Variants in GALNTL6 observed in about 807,000 individuals in gnomAD.
The protein encoded by GALNTL6 is polypeptide N-acetylgalactosaminyltransferase-like 6.
Under a neutral mutation model 73.7 loss-of-function variants are expected in GALNTL6, and 46 were observed. That is an observed-to-expected ratio of 0.62 (90% CI 0.49 to 0.80). The LOEUF is 0.80. Among genes scored for constraint, GALNTL6 ranks in the 30% least tolerant of loss-of-function variants. The probability of loss-of-function intolerance (pLI) is 0.00; values close to 1 mark genes in which losing one functional copy is unlikely to be tolerated. For missense variants in GALNTL6, 604 were observed against 755.0 expected (o/e 0.80, Z 2.34); for synonymous variants, 259 against 263.7 (o/e 0.98, Z 0.17).
chr4:172,212,966 C>T (rs1057429088), intron 2 of GALNTL6, among the ~76,000 whole-genome samples: 6 of 152,132 alleles, frequency 3.9e-5, no homozygotes, highest in East Asian at 3.9e-4. Flanking sequence ...CCACCACGCC[C>T]GGCCAACCAC....
In GALNTL6 at chr4:172,813,696, AG is replaced by A; in HGVS notation, c.897del (p.Arg300GlyfsTer35). On this transcript the variant is annotated frameshift_variant, in exon 7 of 13. Coordinates refer to ENST00000506823, the MANE Select transcript of GALNTL6 (RefSeq NM_001034845.3). LOFTEE classifies it high-confidence loss of function. ...AGAATCCCCATCCCTCCAGAGCTCC[AG>A]AGGGCAGATCCCAGCGACCCTTTTG... is the stretch of plus-strand genomic sequence containing the variant. ...YKRIPIPPEL[Q>X]RADPSDPFES... 6.2e-7 allele frequency: 1 copy of A among 1,608,464 alleles called. No homozygotes were observed. Among genetic ancestry groups the A allele is most frequent in the Non-Finnish European group, 8.5e-7 (1 of 1,175,660 alleles).
intron 2 of GALNTL6, among the ~76,000 whole-genome samples, chr4:172,080,209 C>T (rs1453007497): frequency 1.3e-5 from 2 of 152,118 alleles, no homozygotes; most frequent in African/African-American, 4.8e-5. Context: ...GAGACAAGCT[C>T]TCGCTTTGTT....
chr4:172,915,293 C>G (rs1747442281), intron 8 of GALNTL6, among the ~76,000 whole-genome samples: 1 of 152,104 alleles, frequency 6.6e-6, no homozygotes, highest in Admixed American at 6.5e-5. Context: ...CAAGAGAAAG[C>G]AGGAAAGATG....
chr4:172,314,953 C>A (rs1266597128), intron 4 of GALNTL6, among the ~76,000 whole-genome samples: 1 of 152,010 alleles, frequency 6.6e-6, no homozygotes, highest in African/African-American at 2.4e-5. Context: ...CATTTCTTCA[C>A]TAGTATAAAA....
At chr4:172,413,466 T>A (rs979070693) in intron 5 of GALNTL6, among the ~76,000 whole-genome samples, 2 of 152,162 alleles carry the variant, frequency 1.3e-5, no homozygotes, top group Admixed American at 6.5e-5. Context: ...TAATAACAAA[T>A]ATTCCCCTGT....
At chr4:172,989,624 C>G (rs181567398) in intron 10 of GALNTL6, among the ~76,000 whole-genome samples, 23 of 152,220 alleles carry the variant, frequency 1.5e-4, no homozygotes, top group African/African-American at 5.5e-4. Context: ...ATCATGAGAT[C>G]TGGTTGCTTA....
intron 5 of GALNTL6, among the ~76,000 whole-genome samples, chr4:172,650,570 C>T (rs977761174): frequency 1.3e-5 from 2 of 151,958 alleles, no homozygotes; most frequent in Admixed American, 6.6e-5. Context: ...CCAAGTTAAT[C>T]GAATCAATAA....
intron 2 of GALNTL6, among the ~76,000 whole-genome samples, chr4:171,923,990 T>C (rs887032552): frequency 6.6e-6 from 1 of 152,034 alleles, no homozygotes; most frequent in Non-Finnish European, 1.5e-5. Context: ...TAACTAGGAT[T>C]TTTTTCTAAA....
intron 2 of GALNTL6, among the ~76,000 whole-genome samples, chr4:172,169,682 A>T (rs549961875): frequency 6.6e-6 from 1 of 152,314 alleles, no homozygotes. Flanking sequence ...AATCCAACTA[A>T]GATTTTAGTT....
chr4:172,451,267 T>A (rs1732197557), intron 5 of GALNTL6, among the ~76,000 whole-genome samples: 1 of 152,232 alleles, frequency 6.6e-6, no homozygotes, highest in African/African-American at 2.4e-5. Context: ...TAGGCAAATT[T>A]ACTAATCCCA....
chr4:171,923,261 G>A (rs1737849340), intron 2 of GALNTL6, among the ~76,000 whole-genome samples: 1 of 152,114 alleles, frequency 6.6e-6, no homozygotes, highest in Admixed American at 6.6e-5. Flanking sequence ...AGACAGGGTT[G>A]ACTTGCAGTT....
rs1331818854 is a variant in GALNTL6 at position 172,092,195 on chromosome 4, T to C, written c.139-137461T>C. On this transcript the variant is annotated intron_variant, in intron 2 of 12. Coordinates refer to ENST00000506823, the MANE Select transcript of GALNTL6 (RefSeq NM_001034845.3). Reference sequence around the variant, plus strand: ...TTATGGACAAGACCTAAAATGGCCATGGTTAAACATGCAATTAAAAATCAA... The same window carrying C: ...TTATGGACAAGACCTAAAATGGCCACGGTTAAACATGCAATTAAAAATCAA... Among the ~76,000 whole-genome samples, 4 of 152,146 alleles carry C rather than the reference T, an allele frequency of 2.6e-5. No homozygotes were observed. The South Asian group carries it at 6.2e-4, about 24-fold the overall frequency.
At chr4:171,820,692 G>A (rs1734654643) in intron 2 of GALNTL6, among the ~76,000 whole-genome samples, 1 of 152,174 alleles carries the variant, frequency 6.6e-6, no homozygotes, top group Non-Finnish European at 1.5e-5. Flanking sequence ...CTTAGCAAGT[G>A]TGAAACTCAC....
chr4:172,805,108 A>G (rs1740877930), intron 5 of GALNTL6, among the ~76,000 whole-genome samples: 1 of 152,202 alleles, frequency 6.6e-6, no homozygotes, highest in Admixed American at 6.5e-5. Flanking sequence ...TACACCCTTC[A>G]TCTTATAGCT....
chr4:172,468,109 C>G (rs1561097169), intron 5 of GALNTL6, among the ~76,000 whole-genome samples: 1 of 152,028 alleles, frequency 6.6e-6, no homozygotes, highest in Non-Finnish European at 1.5e-5. Context: ...CCAGGCTGTT[C>G]TCAAACTCCT....
At chr4:172,988,246 G>A (rs941174234) in intron 10 of GALNTL6, among the ~76,000 whole-genome samples, 1 of 152,172 alleles carries the variant, frequency 6.6e-6, no homozygotes, top group South Asian at 2.1e-4. Flanking sequence ...TTGGGAACTG[G>A]ACTAAAGGTC....
chr4:172,670,955 A>G (rs943037513), intron 5 of GALNTL6, among the ~76,000 whole-genome samples: 1 of 151,896 alleles, frequency 6.6e-6, no homozygotes, highest in Non-Finnish European at 1.5e-5. Context: ...AGATCATACA[A>G]ATTTAGGTGT....
intron 5 of GALNTL6, among the ~76,000 whole-genome samples, chr4:172,656,880 C>G (rs889084244): frequency 6.6e-6 from 1 of 152,078 alleles, no homozygotes. Context: ...CTTGTAGGAG[C>G]AGATATATCT....
At chr4:172,486,095 C>T (rs950621125) in intron 5 of GALNTL6, among the ~76,000 whole-genome samples, 22 of 152,088 alleles carry the variant, frequency 1.4e-4, no homozygotes, top group Admixed American at 6.6e-4. Context: ...ATATGATGTG[C>T]GCTGGAGATT....
Sources: allele counts gnomAD v4.1 joint callset (sites outside exome capture counted in the v4.1 genomes callset), GRCh38; gene constraint gnomAD v4.1.1; transcripts MANE v1.5; gene names NCBI Gene and HGNC (gene_info 2026-07-23, HGNC 2026-07-21).